HTT-AS: variants seen among roughly 807,000 people sequenced by gnomAD.
HTT-AS encodes the protein HTT antisense RNA.
intron 1 of HTT-AS, among the ~76,000 whole-genome samples, chr4:3,073,461 T>C (rs1712246461): frequency 6.6e-6 from 1 of 152,208 alleles, no homozygotes. Context: ...ATGACGCCCC[T>C]TGGGGGTCCT....
At chr4:3,067,477 C>T (rs1387670282) in intron 1 of HTT-AS, among the ~76,000 whole-genome samples, 1 of 152,172 alleles carries the variant, frequency 6.6e-6, no homozygotes, top group African/African-American at 2.4e-5. Flanking sequence ...TTAATGGGGA[C>T]ACTCAGAGGC....
chr4:3,067,950 CA>C (rs1351683834), intron 1 of HTT-AS, among the ~76,000 whole-genome samples: 1 of 152,076 alleles, frequency 6.6e-6, no homozygotes, highest in Non-Finnish European at 1.5e-5. Context: ...TAAAAAATGG[CA>C]TATTAGTTTC....
exon 2 of HTT-AS, among the ~76,000 whole-genome samples, chr4:3,062,488 A>C (rs1233837448): frequency 6.6e-6 from 1 of 152,064 alleles, no homozygotes; most frequent in Non-Finnish European, 1.5e-5. Context: ...ACAGCATGTG[A>C]TGAGCGCCCC....
intron 2 of HTT-AS, among the ~76,000 whole-genome samples, chr4:3,060,755 T>C (rs1250923588): frequency 6.6e-6 from 1 of 152,172 alleles, no homozygotes; most frequent in Non-Finnish European, 1.5e-5. Context: ...CATCTTCCCT[T>C]TCCTTGTCAA....
chr4:3,047,587 T>C (rs1396927504), downstream of HTT-AS, among the ~76,000 whole-genome samples: 2 of 152,136 alleles, frequency 1.3e-5, no homozygotes, highest in Non-Finnish European at 2.9e-5. Context: ...CCTGGTCTAG[T>C]GGTAATGACA....
chr4:3,050,458 G>A (rs2110119903), intron 2 of HTT-AS, among the ~76,000 whole-genome samples: 1 of 152,290 alleles, frequency 6.6e-6, no homozygotes, highest in Non-Finnish European at 1.5e-5. Flanking sequence ...CAAATGATAT[G>A]ATTCTAAAGT....
intron 2 of HTT-AS, among the ~76,000 whole-genome samples, chr4:3,052,354 A>C (rs917112682): frequency 6.6e-6 from 1 of 152,200 alleles, no homozygotes; most frequent in African/African-American, 2.4e-5. Flanking sequence ...TAAAGAGTGC[A>C]ATGGTTAAAA....
intron 1 of HTT-AS, among the ~76,000 whole-genome samples, chr4:3,073,254 C>T (rs1300947393): frequency 6.6e-6 from 1 of 152,230 alleles, no homozygotes; most frequent in Non-Finnish European, 1.5e-5. Context: ...TCCTCTCTGC[C>T]TGCATCACCC....
chr4:3,071,971 AAGTAAACAAATAC>A (rs1379258720), intron 1 of HTT-AS, among the ~76,000 whole-genome samples: 1 of 152,246 alleles, frequency 6.6e-6, no homozygotes, highest in African/African-American at 2.4e-5. Context: ...ATGGCAGCCC[AAGTAAACAAATAC>A]AGTCATCTGC....
chr4:3,058,674 T>A (rs1711855894), intron 2 of HTT-AS, among the ~76,000 whole-genome samples: 1 of 151,864 alleles, frequency 6.6e-6, no homozygotes, highest in Non-Finnish European at 1.5e-5. Context: ...ATGAAGTTGT[T>A]CTGGTTCCAA....
chr4:3,052,562 G>C (rs1332542810), intron 2 of HTT-AS, among the ~76,000 whole-genome samples: 1 of 152,212 alleles, frequency 6.6e-6, no homozygotes, highest in Admixed American at 6.5e-5. Flanking sequence ...TTTTTACTTG[G>C]GGGTATCAGA....
chr4:3,070,128 G>C (rs1712137984), intron 1 of HTT-AS: 1 of 152,284 alleles, frequency 6.6e-6, no homozygotes, highest in South Asian at 2.1e-4. Context: ...CGCCCAGTGA[G>C]ATTCTTTCAT....
chr4:3,068,797 G>C (rs1017713320), intron 1 of HTT-AS, among the ~76,000 whole-genome samples: 1 of 152,020 alleles, frequency 6.6e-6, no homozygotes, highest in Non-Finnish European at 1.5e-5. Context: ...TGAGATTACA[G>C]GTGCCTGGCA....
intron 2 of HTT-AS, among the ~76,000 whole-genome samples, chr4:3,061,987 A>T (rs1200440649): frequency 1.5e-3 from 122 of 83,520 alleles, no homozygotes; most frequent in East Asian, 3.5e-3. Context: ...ATCTCAAATT[A>T]AAAAAAAAAA....
intron 1 of HTT-AS, among the ~76,000 whole-genome samples, chr4:3,065,295 G>T (rs1712021858): frequency 6.6e-6 from 1 of 151,462 alleles, no homozygotes; most frequent in African/African-American, 2.4e-5. Context: ...CTGGAGTGCA[G>T]TGGTGCAATG....
intron 1 of HTT-AS, among the ~76,000 whole-genome samples, chr4:3,071,463 C>T (rs1427251475): frequency 6.6e-6 from 1 of 152,150 alleles, no homozygotes; most frequent in Admixed American, 6.6e-5. Flanking sequence ...CTGCTTGCAT[C>T]TCCCTGGCTA....
At chr4:3,069,696 C>T (rs951434333) in intron 1 of HTT-AS, among the ~76,000 whole-genome samples, 1 of 152,146 alleles carries the variant, frequency 6.6e-6, no homozygotes, top group Non-Finnish European at 1.5e-5. Context: ...TGAAGGAGGA[C>T]GCGCCCCCGC....
intron 1 of HTT-AS, among the ~76,000 whole-genome samples, chr4:3,072,832 T>C (rs1560533498): frequency 6.6e-6 from 1 of 152,252 alleles, no homozygotes; most frequent in Non-Finnish European, 1.5e-5. Context: ...TTCGCCATGT[T>C]GGCCAGGCTG....
At chr4:3,054,049 C>T (rs894269640) in intron 2 of HTT-AS, among the ~76,000 whole-genome samples, 8 of 152,092 alleles carry the variant, frequency 5.3e-5, no homozygotes, top group Admixed American at 2.0e-4. Context: ...TGAGCCACTG[C>T]ACCCAGCCAG....
Sources: gnomAD v4.1 joint callset for allele counts (sites outside exome capture counted in the v4.1 genomes callset) on GRCh38, gnomAD v4.1.1 for gene constraint, MANE v1.5 for transcripts, NCBI Gene and HGNC (gene_info 2026-07-23, HGNC 2026-07-21) for gene names.